The following SCN7A variants were observed in gnomAD, a reference collection of about 807,000 sequenced individuals.
SCN7A encodes sodium channel protein type 7 subunit alpha.
In SCN7A, 138 loss-of-function variants were observed where a neutral mutation model predicts 155.2. The ratio of observed to expected loss-of-function variants is 0.89; its 90% CI spans 0.77 to 1.02. The LOEUF (loss-of-function observed/expected upper bound fraction) is 1.02, where lower values mean the gene tolerates loss of function less well. SCN7A is among the 50% of genes least tolerant of loss of function. The probability of loss-of-function intolerance (pLI) is 0.00; values close to 1 mark genes in which losing one functional copy is unlikely to be tolerated. For synonymous variants in SCN7A, 693 were observed against 649.0 expected (o/e 1.07, Z -1.03); for missense variants, 2,058 against 1,986.6 (o/e 1.04, Z -0.68).
chr2:166,446,864 G>T (rs990297431), intron 12 of SCN7A, among the ~76,000 whole-genome samples: 4 of 152,110 alleles, frequency 2.6e-5, no homozygotes, highest in African/African-American at 9.7e-5. Flanking sequence ...CACACGCAGG[G>T]ACCTGTCGGT....
intron 9 of SCN7A, 31 bp downstream of exon 9, chr2:166,465,431 G>C: frequency 6.9e-7 from 1 of 1,452,944 alleles, no homozygotes; most frequent in Non-Finnish European, 9.6e-7. Flanking sequence ...AGGTGATAAT[G>C]ATTTAATAGA....
In SCN7A at chr2:166,466,039, C is replaced by A. The variant is rs932634297; in HGVS notation, c.665-52G>T. On this transcript the variant is annotated intron_variant, in intron 7 of 25. Transcript: ENST00000643258. ...AATAATGTAATATCTTAGAAAAGCA[C>A]TATTGGCAAACCTCTCCCACAGCAA... is the stretch of plus-strand genomic sequence containing the variant. 2.9e-6 allele frequency: 4 copies of A among 1,372,688 alleles called. No individual in the cohort carries two copies. The African/African-American group carries it at 5.8e-5, about 20-fold the overall frequency. The allele number at this position is 1,372,688 out of a possible 1,614,324, so 85.0% of individuals were successfully genotyped here.
chr2:166,491,490 G>A (rs1026232193), intron 1 of SCN7A, among the ~76,000 whole-genome samples: 3 of 152,180 alleles, frequency 2.0e-5, no homozygotes, highest in Admixed American at 6.5e-5. Context: ...ACAAATGAAT[G>A]TAAAATAATA....
chr2:166,444,107 A>T (rs1702013838), intron 13 of SCN7A, among the ~76,000 whole-genome samples: 1 of 152,154 alleles, frequency 6.6e-6, no homozygotes, highest in Non-Finnish European at 1.5e-5. Context: ...TACCAAATAA[A>T]TGTATAATTT....
intron 9 of SCN7A, among the ~76,000 whole-genome samples, chr2:166,462,820 T>C (rs1280136591): frequency 2.0e-5 from 3 of 152,204 alleles, no homozygotes; most frequent in Non-Finnish European, 2.9e-5. Context: ...AGAGAAACTG[T>C]ACATATTTGT....
At chr2:166,464,245 GA>G (rs1702479064) in intron 9 of SCN7A, among the ~76,000 whole-genome samples, 1 of 151,598 alleles carries the variant, frequency 6.6e-6, no homozygotes, top group African/African-American at 2.4e-5. Flanking sequence ...CTGAGCAAGT[GA>G]GAAAATGTCA....
intron 9 of SCN7A, among the ~76,000 whole-genome samples, chr2:166,462,786 ATTTC>A (rs1314169167): frequency 2.6e-5 from 4 of 152,080 alleles, no homozygotes; most frequent in African/African-American, 4.8e-5. Flanking sequence ...TTTTTTTTGT[ATTTC>A]TTTATTTTTT....
At chr2:166,430,790 C>T (rs1004691286) in intron 16 of SCN7A, among the ~76,000 whole-genome samples, 2 of 151,670 alleles carry the variant, frequency 1.3e-5, no homozygotes, top group Non-Finnish European at 1.5e-5. Flanking sequence ...GTACAAATAG[C>T]AAAGAAACAA....
intron 7 of SCN7A, among the ~76,000 whole-genome samples, chr2:166,468,467 C>G (rs1205607420): frequency 1.3e-5 from 2 of 151,986 alleles, no homozygotes; most frequent in Non-Finnish European, 2.9e-5. Flanking sequence ...ACAACTATTT[C>G]AAAGTTTTCT....
intron 9 of SCN7A, 112 bp from the exon 10 acceptor site, chr2:166,462,642 G>A: frequency 1.1e-6 from 1 of 930,156 alleles, no homozygotes; most frequent in Non-Finnish European, 1.6e-6. Flanking sequence ...CGCTTCCACA[G>A]GGAGAGTAAT....
intron 10 of SCN7A, among the ~76,000 whole-genome samples, chr2:166,457,406 T>C (rs1702308971): frequency 6.6e-6 from 1 of 152,224 alleles, no homozygotes; most frequent in African/African-American, 2.4e-5. Flanking sequence ...ATATAGAAAC[T>C]GGACAGCCTC....
intron 3 of SCN7A, among the ~76,000 whole-genome samples, chr2:166,474,653 A>G (rs1400449532): frequency 1.3e-5 from 2 of 151,714 alleles, no homozygotes; most frequent in African/African-American, 2.4e-5. Context: ...GAAGAACACA[A>G]TATCCCAATG....
chr2:166,477,752 C>T, intron 2 of SCN7A, 42 bp from the exon 3 acceptor site: 1 of 1,237,560 alleles, frequency 8.1e-7, no homozygotes, highest in South Asian at 1.7e-5. Context: ...ACTAATAAAA[C>T]ATAAAAGTAC....
intron 11 of SCN7A, among the ~76,000 whole-genome samples, chr2:166,452,304 A>AG (rs1445025447): frequency 6.6e-6 from 1 of 151,980 alleles, no homozygotes. Context: ...GAGAAAAAAA[A>AG]GCAATTGGAT....
intron 5 of SCN7A, 21 bp downstream of exon 5, chr2:166,473,778 T>C (rs759183016): frequency 2.0e-5 from 17 of 841,834 alleles, no homozygotes; most frequent in South Asian, 3.2e-5. Context: ...ATATTATGTA[T>C]AAAATAATTA....
At chr2:166,477,405 G>A (rs1702821654) in intron 3 of SCN7A, 58 bp downstream of exon 3, 1 of 1,063,144 alleles carries the variant, frequency 9.4e-7, no homozygotes, top group Non-Finnish European at 1.3e-6. Context: ...TACATTTTCT[G>A]TATGTCTGGA....
chr2:166,465,494 A>G lies in SCN7A; in HGVS notation c.909T>C (p.Tyr303=). The G allele has an allele frequency of 6.2e-7, 1 of 1,609,800 alleles. No individual in the cohort carries two copies. Among genetic ancestry groups the G allele is most frequent in the Non-Finnish European group, 8.5e-7 (1 of 1,177,660 alleles). ...CTGTCCTGTTGCCACAAAGGAGAGC[A>G]TATCTTTCTCCTTCCAAATAATAAA... is the stretch of plus-strand genomic sequence containing the variant. ...ENFYYLEGER[Y]ALLCGNRTDA... is the part of the protein sequence containing the mutation. The change falls in exon 9 of 26, where the codon TAT becomes TAC. Residue 303 remains tyrosine, a synonymous_variant. Transcript: ENST00000643258.
At chr2:166,485,630 AT>A (rs1703029948) in intron 2 of SCN7A, among the ~76,000 whole-genome samples, 1 of 152,136 alleles carries the variant, frequency 6.6e-6, no homozygotes, top group African/African-American at 2.4e-5. Context: ...GTTTCTAGGA[AT>A]AAAAAGTAAA....
intron 2 of SCN7A, among the ~76,000 whole-genome samples, chr2:166,480,444 C>T (rs953909351): frequency 2.8e-5 from 4 of 143,962 alleles, no homozygotes; most frequent in African/African-American, 1.0e-4. Context: ...GGTGAAAGAG[C>T]GAGACTCCGT....
Sources: gnomAD v4.1 joint callset for allele counts (sites outside exome capture counted in the v4.1 genomes callset) on GRCh38, gnomAD v4.1.1 for gene constraint, MANE v1.5 for transcripts, NCBI Gene and HGNC (gene_info 2026-07-23, HGNC 2026-07-21) for gene names.